The following GRIK2 variants were observed in gnomAD, a reference collection of about 807,000 sequenced individuals.
The protein encoded by GRIK2 is glutamate receptor ionotropic, kainate 2.
GRIK2 carries 32 observed loss-of-function variants against 100.3 expected under a neutral mutation model. The ratio of observed to expected loss-of-function variants is 0.32; its 90% CI spans 0.24 to 0.43. The LOEUF (loss-of-function observed/expected upper bound fraction) is 0.43, where lower values mean the gene tolerates loss of function less well. Ranked by LOEUF, GRIK2 falls within the 20% of genes least tolerant of loss-of-function variation. The pLI is 1.00. For missense variants in GRIK2, 843 were observed against 1,114.9 expected (o/e 0.76, Z 3.47); for synonymous variants, 417 against 389.4 (o/e 1.07, Z -0.83).
rs1778793968 is a variant in GRIK2 at position 101,777,086 on chromosome 6, G to A, written c.952-22562G>A. On this transcript the variant is annotated intron_variant, in intron 7 of 16. Transcript: ENST00000369134. The stretch of plus-strand genomic sequence containing the variant: ...ATCTCATGCAGTCTGTGTAGTCCAC[G>A]CAGCTGCTGGTAAAGAACTCTGTTT... Among the ~76,000 whole-genome samples, 5 of 152,208 alleles carry A rather than the reference G, an allele frequency of 3.3e-5. No homozygotes were observed. In the South Asian group the frequency reaches 8.3e-4, roughly 25 times the overall value.
chr6:101,911,987 A>C (rs559362989), intron 12 of GRIK2, among the ~76,000 whole-genome samples: 1 of 151,166 alleles, frequency 6.6e-6, no homozygotes, highest in Non-Finnish European at 1.5e-5. Context: ...TTTCAAAAAG[A>C]TAATAAACTT....
intron 7 of GRIK2, among the ~76,000 whole-genome samples, chr6:101,725,756 G>A (rs933576936): frequency 2.6e-5 from 4 of 151,922 alleles, no homozygotes; most frequent in African/African-American, 4.8e-5. Context: ...CAGAATTCAA[G>A]AGAGTATCAT....
At chr6:101,615,267 C>G (rs1169180185) in intron 2 of GRIK2, among the ~76,000 whole-genome samples, 1 of 151,592 alleles carries the variant, frequency 6.6e-6, no homozygotes, top group Non-Finnish European at 1.5e-5. Context: ...ATATGATGGC[C>G]CTTCCTGAAT....
intron 12 of GRIK2, chr6:101,891,596 T>A (rs1787103494): frequency 2.5e-6 from 1 of 404,870 alleles, no homozygotes; most frequent in African/African-American, 2.2e-5. Flanking sequence ...TTATATGTAA[T>A]TATTTTACAA....
intron 2 of GRIK2, among the ~76,000 whole-genome samples, chr6:101,594,557 T>C (rs1486927348): frequency 3.9e-5 from 6 of 151,940 alleles, no homozygotes; most frequent in Admixed American, 2.0e-4. Context: ...TGAATACTAG[T>C]GGAATTTTTA....
chr6:101,793,623 G>A (rs1310207641), intron 7 of GRIK2, among the ~76,000 whole-genome samples: 1 of 152,164 alleles, frequency 6.6e-6, no homozygotes, highest in Non-Finnish European at 1.5e-5. Context: ...CCCTACTGGG[G>A]GGTGCCTCCC....
intron 7 of GRIK2, among the ~76,000 whole-genome samples, chr6:101,738,245 T>C (rs1775796549): frequency 6.6e-6 from 1 of 152,054 alleles, no homozygotes; most frequent in Non-Finnish European, 1.5e-5. Context: ...ATGTCAATTG[T>C]AATTGACAAT....
chr6:101,944,161 T>G (rs1045963234), intron 14 of GRIK2, among the ~76,000 whole-genome samples: 1 of 152,182 alleles, frequency 6.6e-6, no homozygotes, highest in African/African-American at 2.4e-5. Context: ...AGGCATGTCT[T>G]GCTTCCCCTT....
chr6:101,869,827 G>A (rs560755222), intron 11 of GRIK2, among the ~76,000 whole-genome samples: 6 of 151,890 alleles, frequency 4.0e-5, no homozygotes, highest in East Asian at 1.9e-4. Flanking sequence ...CAGTTTTACC[G>A]GTATAGAGGG....
At chr6:101,834,419 A>C (rs1782927374) in intron 10 of GRIK2, among the ~76,000 whole-genome samples, 1 of 138,128 alleles carries the variant, frequency 7.2e-6, no homozygotes, top group Admixed American at 7.1e-5. Context: ...CCAGCCTCTT[A>C]TGATTTAAGT....
chr6:101,662,396 C>T (rs1174979869), intron 4 of GRIK2, among the ~76,000 whole-genome samples: 2 of 152,204 alleles, frequency 1.3e-5, no homozygotes, highest in South Asian at 2.1e-4. Context: ...ACTTGAGTTT[C>T]AAGAAACTGC....
intron 4 of GRIK2, among the ~76,000 whole-genome samples, chr6:101,659,468 T>C (rs1006527389): frequency 1.3e-5 from 2 of 152,086 alleles, no homozygotes; most frequent in African/African-American, 4.8e-5. Flanking sequence ...TTGTTCTTTT[T>C]GCTTACATTT....
chr6:101,563,690 A>G (rs548050972), intron 2 of GRIK2, among the ~76,000 whole-genome samples: 1 of 152,276 alleles, frequency 6.6e-6, no homozygotes, highest in South Asian at 2.1e-4. Flanking sequence ...TGTGTAAAAC[A>G]TTTTAAAATT....
intron 10 of GRIK2, among the ~76,000 whole-genome samples, chr6:101,850,097 T>C (rs1784047971): frequency 6.6e-6 from 1 of 152,048 alleles, no homozygotes; most frequent in Admixed American, 6.6e-5. Context: ...AAGACACATG[T>C]CCCTGTTTCT....
chr6:101,669,694 A>G (rs1201409727), intron 4 of GRIK2, among the ~76,000 whole-genome samples: 1 of 152,160 alleles, frequency 6.6e-6, no homozygotes, highest in East Asian at 1.9e-4. Flanking sequence ...TTTGGATAAA[A>G]ACCTTCATCC....
intron 2 of GRIK2, among the ~76,000 whole-genome samples, chr6:101,510,752 G>A (rs1774271891): frequency 6.6e-6 from 1 of 151,590 alleles, no homozygotes; most frequent in Non-Finnish European, 1.5e-5. Flanking sequence ...TTGAACTCCT[G>A]GCCTCCTGAT....
chr6:101,970,109 T>C (rs1424616675), intron 14 of GRIK2, among the ~76,000 whole-genome samples: 1 of 152,060 alleles, frequency 6.6e-6, no homozygotes, highest in African/African-American at 2.4e-5. Context: ...TGAAACCTTA[T>C]ACACAGAGAT....
chr6:101,615,529 T>C (rs988905845), intron 2 of GRIK2, among the ~76,000 whole-genome samples: 8 of 151,834 alleles, frequency 5.3e-5, no homozygotes, highest in African/African-American at 1.9e-4. Flanking sequence ...ATATAGGTCT[T>C]ATGAGTCCTT....
At chr6:101,857,509 G>C (rs1231002956) in intron 10 of GRIK2, among the ~76,000 whole-genome samples, 1 of 152,150 alleles carries the variant, frequency 6.6e-6, no homozygotes, top group Non-Finnish European at 1.5e-5. Flanking sequence ...TGGCTGTCAT[G>C]TCTAAAACTC....
Sources: gnomAD v4.1 joint callset for allele counts (sites outside exome capture counted in the v4.1 genomes callset) on GRCh38, gnomAD v4.1.1 for gene constraint, MANE v1.5 for transcripts, NCBI Gene and HGNC (gene_info 2026-07-23, HGNC 2026-07-21) for gene names.